The following MGAM variants were observed in gnomAD, a reference collection of about 807,000 sequenced individuals.
MGAM encodes the protein alpha-1,4-glucosidase.
In MGAM, 253 loss-of-function variants were observed where a neutral mutation model predicts 358.8. That is an observed-to-expected ratio of 0.71 (90% CI 0.64 to 0.78). The LOEUF (loss-of-function observed/expected upper bound fraction) is 0.78, where lower values mean the gene tolerates loss of function less well. MGAM is among the 30% of genes least tolerant of loss of function. The pLI is 0.00. For missense variants in MGAM, 3,080 were observed against 3,432.6 expected (o/e 0.90, Z 2.57); for synonymous variants, 1,105 against 1,227.1 (o/e 0.90, Z 2.08).
chr7:142,040,987 C>T, intron 21 of MGAM, 141 bp downstream of exon 21: 1 of 1,030,578 alleles, frequency 9.7e-7, no homozygotes, highest in East Asian at 2.8e-5. Context: ...CCAAAAGTCT[C>T]TTCCCTTGGG....
At chr7:142,104,354 G>A (rs558816925) in intron 70 of MGAM, among the ~76,000 whole-genome samples, 1 of 152,144 alleles carries the variant, frequency 6.6e-6, no homozygotes, top group South Asian at 2.1e-4. Context: ...AACTTGTATC[G>A]TATTTAAATT....
At position 142,047,867 on chromosome 7, in the gene MGAM, A is replaced by G; in HGVS notation, c.2581A>G (p.Thr861Ala). 1 of 1,600,466 alleles carries G rather than the reference A, an allele frequency of 6.2e-7. No homozygotes were observed. Among genetic ancestry groups the G allele is most frequent in the Non-Finnish European group, 8.6e-7 (1 of 1,168,176 alleles). The change falls in exon 22 of 71, where the codon ACG (threonine) becomes GCG (alanine). Residue 861 changes from threonine (T) to alanine (A), a missense_variant. By Grantham distance (58) the Thr-to-Ala change is moderately conservative. Around this residue, in one of 5 missense-constraint regions of MGAM, gnomAD observed 1,816 missense variants for 1,840.5 expected, o/e 0.99. Coordinates refer to ENST00000475668, the MANE Select transcript of MGAM (RefSeq NM_001365693.1). ...KGELFWDNGE[T>A]KDTVANKVYL... ...AGAACTTTTCTGGGATAATGGGGAA[A>G]CGAAGGGTGAGCACTTATACGATAA...
intron 21 of MGAM, among the ~76,000 whole-genome samples, chr7:142,045,514 C>A (rs1584997362): frequency 3.0e-5 from 3 of 101,402 alleles, no homozygotes; most frequent in Admixed American, 1.4e-4. Flanking sequence ...ATTACATATA[C>A]ATATAATATA....
At chr7:142,078,616 G>A (rs1813952276) in intron 48 of MGAM, 146 bp downstream of exon 48, 1 of 1,094,216 alleles carries the variant, frequency 9.1e-7, no homozygotes, top group Non-Finnish European at 1.3e-6. Context: ...ACAAGTAGGT[G>A]GGGACATGTG....
At chr7:142,041,884 GTATAATATATAATATATATATTATA>G (rs1563144067) in intron 21 of MGAM, among the ~76,000 whole-genome samples, 4 of 75,972 alleles carry the variant, frequency 5.3e-5, no homozygotes, top group African/African-American at 2.6e-4. Context: ...ATATATATAC[GTATAATATATAATATATATATTATA>G]TATATACGTA....
At position 142,084,841 on chromosome 7, in the gene MGAM, C is replaced by T. The variant is rs569493647; in HGVS notation, c.6507+197C>T. On this transcript the variant is annotated intron_variant, in intron 54 of 70. Transcript: ENST00000475668. Reference sequence around the variant, plus strand: ...ATCTTCTAGAGATGATAGCTCAAGACTTACTGTGATTTCCCAGAGGGGGAG... The same window carrying T: ...ATCTTCTAGAGATGATAGCTCAAGATTTACTGTGATTTCCCAGAGGGGGAG... Among the ~76,000 whole-genome samples the T allele has an allele frequency of 2.6e-4, 38 of 146,656 alleles. 6 individuals are homozygous for T. Among genetic ancestry groups the T allele is most frequent in the South Asian group, 8.7e-4 (4 of 4,590 alleles).
chr7:142,086,582 A>G (rs1461136992), intron 56 of MGAM, 73 bp from the exon 57 acceptor site: 2 of 817,402 alleles, frequency 2.4e-6, no homozygotes, highest in Non-Finnish European at 3.6e-6. Flanking sequence ...TGGTTTATAT[A>G]ATAATTTCTT....
Position 142,060,131 on chromosome 7 carries a change from A to G in MGAM, c.4059+165A>G, listed in dbSNP as rs796646852. Among the ~76,000 whole-genome samples, 16 of 152,390 alleles carry G rather than the reference A, an allele frequency of 1.0e-4. No individual in the cohort carries two copies. In the South Asian group the frequency reaches 2.9e-3, roughly 28 times the overall value. On this transcript the variant is annotated intron_variant, in intron 33 of 70. Coordinates refer to ENST00000475668, the MANE Select transcript of MGAM (RefSeq NM_001365693.1). ...TTCTCAATCAATATTTGTTGATACA[A>G]TTAACGACTTTTAAGGTAATGTAAC...
In MGAM at chr7:142,097,603, A is replaced by G; in HGVS notation, c.7703A>G (p.Asn2568Ser). ...TATGTTTCATTTTAGAATGCCAGAA[A>G]TGTCACTGCATATTTCCCTAGAGCC... is the stretch of plus-strand genomic sequence containing the variant. ...VSPVLERNAR[N>S]VTAYFPRARW... Residue 2568 changes from asparagine to serine, a missense_variant, in exon 66 of 71, where the codon AAT becomes AGT. Physicochemically the swap from Asn to Ser is conservative, Grantham distance 46 (BLOSUM62 1). This residue lies in a region of MGAM where 932 missense variants were observed against 1,198.2 expected (regional missense o/e 0.78). Transcript: ENST00000475668. The G allele has an allele frequency of 6.2e-7, 1 of 1,613,040 alleles. No individual in the cohort carries two copies. Among genetic ancestry groups the G allele is most frequent in the Non-Finnish European group, 8.5e-7 (1 of 1,179,056 alleles).
intron 61 of MGAM, 42 bp from the exon 62 acceptor site, chr7:142,094,578 G>A: frequency 6.5e-7 from 1 of 1,535,568 alleles, no homozygotes; most frequent in Non-Finnish European, 8.9e-7. Context: ...GGCAGGTCGT[G>A]AGAGCGAGCC....
intron 57 of MGAM, among the ~76,000 whole-genome samples, chr7:142,090,700 C>T (rs1815300198): frequency 6.8e-6 from 1 of 146,194 alleles, no homozygotes; most frequent in Non-Finnish European, 1.5e-5. Context: ...TCCTCACCAG[C>T]ATTCTTTAGC....
At chr7:142,030,581 T>C in intron 11 of MGAM, 60 bp from the exon 12 acceptor site, 1 of 1,605,336 alleles carries the variant, frequency 6.2e-7, no homozygotes, top group South Asian at 1.1e-5. Flanking sequence ...CAGTTCCCAG[T>C]CTCCTTTCAG....
intron 3 of MGAM, among the ~76,000 whole-genome samples, chr7:142,009,630 GATTGAAGTTCAATAAATGA>G (rs1343758254): frequency 6.6e-6 from 1 of 152,172 alleles, no homozygotes; most frequent in Non-Finnish European, 1.5e-5. Context: ...GTGGTATCAA[GATTGAAGTTCAATAAATGA>G]ACTTTGGCTT....
chr7:142,040,668 G>T, intron 20 of MGAM, 54 bp from the exon 21 acceptor site: 2 of 1,599,458 alleles, frequency 1.3e-6, no homozygotes, highest in Non-Finnish European at 1.7e-6. Context: ...TAGATAATCA[G>T]TGAAGGGCAA....
intron 2 of MGAM, among the ~76,000 whole-genome samples, chr7:141,987,980 A>C (rs1269953351): frequency 6.6e-6 from 1 of 152,136 alleles, no homozygotes; most frequent in Non-Finnish European, 1.5e-5. Flanking sequence ...GTGATCAATG[A>C]AATAGTACAG....
chr7:142,034,167 G>A, intron 14 of MGAM, 95 bp from the exon 15 acceptor site: 1 of 800,280 alleles, frequency 1.2e-6, no homozygotes, highest in Non-Finnish European at 2.0e-6. Flanking sequence ...CCACAAAAGT[G>A]CCTGCCCAGG....
At chr7:142,021,375 C>T (rs1291399476) in intron 5 of MGAM, among the ~76,000 whole-genome samples, 1 of 152,166 alleles carries the variant, frequency 6.6e-6, no homozygotes, top group East Asian at 1.9e-4. Flanking sequence ...AGCTTTCAAT[C>T]CATCTCTGCA....
chr7:142,013,201 G>C (rs1655062594), intron 3 of MGAM, among the ~76,000 whole-genome samples: 1 of 152,060 alleles, frequency 6.6e-6, no homozygotes, highest in African/African-American at 2.4e-5. Context: ...ACAGATCAGA[G>C]CAGGATGGGG....
In MGAM at chr7:142,055,582, T is replaced by A. The variant is rs371426689; in HGVS notation, c.3339T>A (p.Phe1113Leu). The change falls in exon 28 of 71, where the codon TTT becomes TTA. Residue 1113 changes from phenylalanine to leucine, a missense_variant. Physicochemically the swap from Phe to Leu is conservative, Grantham distance 22. Around this residue, in one of 5 missense-constraint regions of MGAM, gnomAD observed 1,816 missense variants for 1,840.5 expected, o/e 0.99. Coordinates refer to ENST00000475668, the MANE Select transcript of MGAM (RefSeq NM_001365693.1). ...GTTGGGACTCTCAGCTCCTTGGCTT[T>A]ACCTTCAGTGACATGTTTATCCGCA... The part of the protein sequence containing the change: ...TIIWDSQLLG[F>L]TFSDMFIRIS... The A allele has an allele frequency of 6.2e-7, 1 of 1,613,844 alleles. No homozygotes were observed. Among genetic ancestry groups the A allele is most frequent in the African/African-American group, 1.3e-5 (1 of 74,920 alleles).
Sources: allele counts gnomAD v4.1 joint callset (sites outside exome capture counted in the v4.1 genomes callset), GRCh38; gene constraint gnomAD v4.1.1; regional missense constraint gnomAD v4.1.1; transcripts MANE v1.5; gene names NCBI Gene and HGNC (gene_info 2026-07-23, HGNC 2026-07-21).